The following ARMH3 variants were observed in gnomAD, a reference collection of about 807,000 sequenced individuals.
ARMH3 encodes the protein armadillo like helical domain containing 3, also known as armadillo-like helical domain-containing protein 3.
A neutral mutation model predicts 99.1 loss-of-function variants in ARMH3; 60 were observed. That is an observed-to-expected ratio of 0.61 (90% confidence interval 0.49 to 0.75). ARMH3 has a LOEUF of 0.75. ARMH3 is among the 30% of genes least tolerant of loss of function. The probability of loss-of-function intolerance (pLI) is 0.00; values close to 1 mark genes in which losing one functional copy is unlikely to be tolerated. For synonymous variants in ARMH3, 285 were observed against 292.8 expected, an observed-to-expected ratio of 0.97 and a Z score of 0.27; for missense variants, 679 against 843.1, an observed-to-expected ratio of 0.81 and a Z score of 2.41.
chr10:101,950,252 C>T (rs192485499), intron 22 of ARMH3, among the ~76,000 whole-genome samples: 202 of 152,056 alleles, frequency 1.3e-3, no homozygotes, highest in South Asian at 3.3e-3. Context: ...ACTAATAAAC[C>T]CAATAAGTGA....
At chr10:101,950,567 G>C (rs1318675757) in intron 22 of ARMH3, among the ~76,000 whole-genome samples, 1 of 152,166 alleles carries the variant, frequency 6.6e-6, no homozygotes, top group African/African-American at 2.4e-5. Flanking sequence ...ATTGATGAAT[G>C]GATAAATAAA....
intron 19 of ARMH3, among the ~76,000 whole-genome samples, chr10:101,983,667 C>A (rs1356321376): frequency 6.6e-6 from 1 of 152,182 alleles, no homozygotes. Flanking sequence ...GGAAGGCGAA[C>A]AAGAATTCAT....
At chr10:101,931,845 A>G (rs967177238) in intron 23 of ARMH3, among the ~76,000 whole-genome samples, 19 of 152,230 alleles carry the variant, frequency 1.2e-4, no homozygotes, top group Non-Finnish European at 2.4e-4. Flanking sequence ...ATGACATTGG[A>G]TTTGGCAATG....
chr10:101,869,310 C>T (rs539304236), intron 24 of ARMH3, among the ~76,000 whole-genome samples: 2 of 152,246 alleles, frequency 1.3e-5, no homozygotes, highest in African/African-American at 2.4e-5. Flanking sequence ...CAAGGGAACA[C>T]ATTCTTTTCA....
chr10:102,007,336 TAA>T (rs34558673), intron 13 of ARMH3, among the ~76,000 whole-genome samples: 49 of 132,540 alleles, frequency 3.7e-4, no homozygotes, highest in African/African-American at 9.2e-4. Flanking sequence ...CACAGACATT[TAA>T]AAAAAAAAAA....
Position 101,845,602 on chromosome 10 carries a change from A to G in ARMH3, c.*1926T>C, listed in dbSNP as rs1203972873. 6.6e-6 allele frequency: 1 copy of G among 152,256 alleles called. No individual in the cohort carries two copies. Among genetic ancestry groups the G allele is most frequent in the East Asian group, 1.9e-4 (1 of 5,198 alleles). The allele number at this position is 152,256 out of a possible 1,614,324, so 9.4% of individuals were successfully genotyped here. A position where few individuals can be genotyped will look rare whatever the true frequency, so the allele number is the denominator to read the frequency against. On this transcript the variant is annotated 3_prime_UTR_variant, in exon 26 of 26. Transcript: ENST00000370033. ...GGAAAAAAAAAGCAACACTAAAGACAGTCCCACACAAATCAATTTTTAATA... is the reference window on the plus strand; with the variant it reads ...GGAAAAAAAAAGCAACACTAAAGACGGTCCCACACAAATCAATTTTTAATA...
At chr10:101,987,538 T>C (rs1166146669) in intron 19 of ARMH3, among the ~76,000 whole-genome samples, 2 of 152,228 alleles carry the variant, frequency 1.3e-5, no homozygotes, top group Non-Finnish European at 2.9e-5. Context: ...GGTACCAGCC[T>C]GCAAGATGGA....
rs1358128486 is a variant in ARMH3, at chr10:102,033,524, T to C, written c.103-185A>G. The C allele has an allele frequency of 8.7e-6, 5 of 576,864 alleles. No individual in the cohort carries two copies. The African/African-American group carries it at 9.4e-5, about 11-fold the overall frequency. 35.7% of individuals were successfully genotyped at this position (576,864 alleles called of 1,614,324 possible). ...GCTCCGCCCCCCAGGGTTCACGCCATTCCCCCGCCTCAGCCTCCTGAGTAG... is the reference window on the plus strand; with the variant it reads ...GCTCCGCCCCCCAGGGTTCACGCCACTCCCCCGCCTCAGCCTCCTGAGTAG... On this transcript the variant is annotated intron_variant, in intron 2 of 25. Coordinates refer to ENST00000370033, the MANE Select transcript of ARMH3 (RefSeq NM_024541.3).
intron 4 of ARMH3, among the ~76,000 whole-genome samples, chr10:102,032,714 G>T (rs1467141401): frequency 6.6e-6 from 1 of 152,014 alleles, no homozygotes; most frequent in African/African-American, 2.4e-5. Context: ...TCTGATTTTT[G>T]ATAAAGACTA....
At chr10:101,988,220 GCTTA>G (rs1293798799) in intron 19 of ARMH3, among the ~76,000 whole-genome samples, 33 of 152,198 alleles carry the variant, frequency 2.2e-4, no homozygotes, top group African/African-American at 8.0e-4. Flanking sequence ...AGGCAATGAT[GCTTA>G]CTAACAGAAT....
At chr10:101,868,071 A>G (rs2067046501) in intron 24 of ARMH3, among the ~76,000 whole-genome samples, 1 of 152,208 alleles carries the variant, frequency 6.6e-6, no homozygotes, top group Non-Finnish European at 1.5e-5. Flanking sequence ...GATGTTGTGC[A>G]TGACTTCACA....
chr10:101,888,059 CT>C (rs36070631), intron 24 of ARMH3, among the ~76,000 whole-genome samples: 5,088 of 137,252 alleles, frequency 0.037, 129 homozygotes, highest in African/African-American at 0.069. Flanking sequence ...TAAATGTCTC[CT>C]TTTTTTTTTT....
At chr10:101,934,126 C>T (rs941384642) in intron 23 of ARMH3, among the ~76,000 whole-genome samples, 1 of 152,156 alleles carries the variant, frequency 6.6e-6, no homozygotes, top group Non-Finnish European at 1.5e-5. Context: ...ACAGCCTATT[C>T]CAAAGGATGT....
chr10:101,962,403 C>CT (rs79925746), intron 20 of ARMH3, among the ~76,000 whole-genome samples: 1,712 of 143,342 alleles, frequency 0.012, 31 homozygotes, highest in African/African-American at 0.035. Flanking sequence ...TCAAACTTTC[C>CT]TTTTTTTTTT....
At chr10:101,941,857 C>A (rs1370176215) in intron 22 of ARMH3, among the ~76,000 whole-genome samples, 2 of 152,018 alleles carry the variant, frequency 1.3e-5, no homozygotes, top group Non-Finnish European at 2.9e-5. Context: ...TATTATTATA[C>A]CTCAATTGTG....
intron 1 of ARMH3, among the ~76,000 whole-genome samples, chr10:102,048,976 A>G (rs945212885): frequency 6.6e-6 from 1 of 152,036 alleles, no homozygotes. Context: ...CCTTCAAGCT[A>G]TCTCCTAATA....
intron 1 of ARMH3, among the ~76,000 whole-genome samples, chr10:102,044,851 G>T (rs2067508592): frequency 6.6e-6 from 1 of 152,014 alleles, no homozygotes; most frequent in Admixed American, 6.6e-5. Context: ...AAGTAAATGT[G>T]CACACCAGGC....
chr10:101,865,963 G>A (rs1006001604), intron 24 of ARMH3, among the ~76,000 whole-genome samples: 9 of 151,036 alleles, frequency 6.0e-5, no homozygotes, highest in Non-Finnish European at 1.2e-4. Context: ...GCTCACGCCT[G>A]TAATCCCAGC....
chr10:101,849,741 C>A, intron 25 of ARMH3, 35 bp downstream of exon 25: 1 of 1,581,774 alleles, frequency 6.3e-7, no homozygotes, highest in South Asian at 1.1e-5. Flanking sequence ...GGGGGCGGGC[C>A]CCTAAGACAC....
Sources: gnomAD v4.1 joint callset for allele counts (sites outside exome capture counted in the v4.1 genomes callset) on GRCh38, gnomAD v4.1.1 for gene constraint, MANE v1.5 for transcripts, NCBI Gene and HGNC (gene_info 2026-07-23, HGNC 2026-07-21) for gene names.